TSEN15: variants seen among roughly 807,000 people sequenced by gnomAD.
TSEN15 encodes tRNA splicing endonuclease subunit 15.
A neutral mutation model predicts 20.5 loss-of-function variants in TSEN15; 10 were observed. The ratio of observed to expected loss-of-function variants is 0.49; its 90% CI spans 0.30 to 0.83. TSEN15 has a LOEUF of 0.83. TSEN15 is among the 40% of genes least tolerant of loss of function. TSEN15 has a pLI of 0.06. For synonymous variants in TSEN15, 72 were observed against 80.1 expected, an observed-to-expected ratio of 0.90 and a Z score of 0.54; for missense variants, 180 against 218.6, an observed-to-expected ratio of 0.82 and a Z score of 1.11.
intron 3 of TSEN15, among the ~76,000 whole-genome samples, chr1:184,090,625 C>T (rs922769705): frequency 2.6e-5 from 4 of 152,194 alleles, no homozygotes; most frequent in African/African-American, 9.6e-5. Flanking sequence ...GGGAGAAAGC[C>T]AGGGCTCTCT....
exon 4 of TSEN15, chr1:184,096,060 C>T: frequency 3.8e-6 from 1 of 261,836 alleles, no homozygotes; most frequent in Non-Finnish European, 7.1e-6. Context: ...ACTCCAGTAA[C>T]AAACAGTCTG....
chr1:184,067,951 T>A lies in TSEN15; in HGVS notation c.354-4206T>A, dbSNP rs1261991109. Among the ~76,000 whole-genome samples the A allele has an allele frequency of 1.1e-3, 150 of 136,348 alleles. 2 individuals are homozygous for A. The highest frequency in any genetic ancestry group is 3.9e-3 in the African/African-American group (138 of 35,406). The allele number at this position is 136,348 out of a possible 152,430, so 89.4% of individuals were successfully genotyped here. Reference sequence around the variant, plus strand: ...AAAAAAAAAAAAAAAAATATATATATATATATATATATATATATATGTACA... The same window carrying A: ...AAAAAAAAAAAAAAAAATATATATAAATATATATATATATATATATGTACA... On this transcript the variant is annotated intron_variant, in intron 3 of 4. Coordinates refer to ENST00000645668, the MANE Select transcript of TSEN15 (RefSeq NM_052965.4).
At chr1:184,081,929 C>T (rs1024496814) in intron 3 of TSEN15, among the ~76,000 whole-genome samples, 2 of 152,136 alleles carry the variant, frequency 1.3e-5, no homozygotes, top group Non-Finnish European at 2.9e-5. Flanking sequence ...CTATGTTGTC[C>T]TGGCCTTTTC....
chr1:184,057,163 C>T (rs190596565), intron 3 of TSEN15, among the ~76,000 whole-genome samples: 97 of 152,180 alleles, frequency 6.4e-4, no homozygotes, highest in East Asian at 3.9e-3. Flanking sequence ...CCAGCTGCCA[C>T]GTGAGCTGTC....
chr1:184,092,119 G>T (rs1651370963), intron 3 of TSEN15, among the ~76,000 whole-genome samples: 1 of 152,178 alleles, frequency 6.6e-6, no homozygotes, highest in South Asian at 2.1e-4. Flanking sequence ...CAGGGGAGAG[G>T]CTGGCTATTA....
intron 3 of TSEN15, among the ~76,000 whole-genome samples, chr1:184,062,392 A>G (rs1650490209): frequency 6.6e-6 from 1 of 152,128 alleles, no homozygotes; most frequent in African/African-American, 2.4e-5. Flanking sequence ...TCATAGATAC[A>G]CAGAGATGAA....
chr1:184,080,251 T>C (rs1459368766), intron 3 of TSEN15, among the ~76,000 whole-genome samples: 1 of 152,190 alleles, frequency 6.6e-6, no homozygotes, highest in African/African-American at 2.4e-5. Context: ...CCCTATATCT[T>C]GATGCTCACA....
chr1:184,076,354 G>T, downstream of TSEN15, among the ~76,000 whole-genome samples: 1 of 151,974 alleles, frequency 6.6e-6, no homozygotes, highest in East Asian at 1.9e-4. Context: ...CACAAATTGT[G>T]CCCATATAAG....
rs1002426821 is a variant in TSEN15 at position 184,079,787 on chromosome 1, T to C, written c.354-15903T>C. Reference sequence around the variant, plus strand: ...TTTGAAGGGTACATAATGCAGTCCATATAAACTGGGCTCCTTCTCTGTGCT... The same window carrying C: ...TTTGAAGGGTACATAATGCAGTCCACATAAACTGGGCTCCTTCTCTGTGCT... On this transcript the variant is annotated intron_variant, in intron 3 of 3. Coordinates refer to the TSEN15 transcript ENST00000643231. 4.6e-5 allele frequency among the ~76,000 whole-genome samples: 7 copies of C among 152,140 alleles called. No individual in the cohort carries two copies. In the East Asian group the frequency reaches 5.8e-4, roughly 13 times the overall value.
chr1:184,077,020 GA>G (rs1282455998), downstream of TSEN15, among the ~76,000 whole-genome samples: 2 of 152,152 alleles, frequency 1.3e-5, no homozygotes, highest in African/African-American at 4.8e-5. Context: ...TAAGATAGTT[GA>G]TGAAGGTGGC....
At chr1:184,064,615 A>T (rs987749284) in intron 3 of TSEN15, among the ~76,000 whole-genome samples, 1 of 152,194 alleles carries the variant, frequency 6.6e-6, no homozygotes, top group Non-Finnish European at 1.5e-5. Context: ...CCTCTTAAGG[A>T]TTAAGGAAGT....
intron 4 of TSEN15, chr1:184,072,549 A>G: frequency 1.8e-6 from 1 of 555,356 alleles, no homozygotes; most frequent in Non-Finnish European, 3.1e-6. Context: ...TTTCCAAAGT[A>G]TTTTATGAAG....
chr1:184,086,589 A>C (rs1417053327), intron 3 of TSEN15, among the ~76,000 whole-genome samples: 1 of 152,136 alleles, frequency 6.6e-6, no homozygotes, highest in Non-Finnish European at 1.5e-5. Flanking sequence ...GGGCTGGAGG[A>C]TCCACTTCCA....
At chr1:184,055,662 G>A (rs1483808220) in intron 3 of TSEN15, among the ~76,000 whole-genome samples, 2 of 151,964 alleles carry the variant, frequency 1.3e-5, no homozygotes, top group Non-Finnish European at 2.9e-5. Context: ...TTTTTTAAAA[G>A]CTTTAAAAAA....
chr1:184,058,030 T>G (rs2102880760), intron 3 of TSEN15: 10 of 313,344 alleles, frequency 3.2e-5, no homozygotes, highest in South Asian at 2.1e-4. Context: ...AAGGAGCTAC[T>G]ATTTGAAATT....
At chr1:184,083,593 A>T (rs1357791417) in intron 3 of TSEN15, among the ~76,000 whole-genome samples, 1 of 152,168 alleles carries the variant, frequency 6.6e-6, no homozygotes, top group African/African-American at 2.4e-5. Context: ...ATGACCACAG[A>T]TGGGGATGCT....
chr1:184,075,162 C>T (rs952271572), downstream of TSEN15, among the ~76,000 whole-genome samples: 3 of 152,016 alleles, frequency 2.0e-5, no homozygotes, highest in African/African-American at 7.2e-5. Flanking sequence ...CTGTGAAAGG[C>T]GCTTTCCCAA....
At chr1:184,071,986 T>C (rs1650899588) in intron 3 of TSEN15, 171 bp from the exon 4 acceptor site, 2 of 537,502 alleles carry the variant, frequency 3.7e-6, no homozygotes, top group Non-Finnish European at 6.2e-6. Flanking sequence ...GTTGAACTTA[T>C]TTGATACTAT....
intron 3 of TSEN15, among the ~76,000 whole-genome samples, chr1:184,067,943 T>A (rs148728801): frequency 0.23 from 15,001 of 64,064 alleles, 1,064 homozygotes; most frequent in East Asian, 0.39. Flanking sequence ...AAAAAAAAAA[T>A]ATATATATAT....
Sources: allele counts gnomAD v4.1 joint callset (sites outside exome capture counted in the v4.1 genomes callset), GRCh38; gene constraint gnomAD v4.1.1; transcripts MANE v1.5; gene names NCBI Gene and HGNC (gene_info 2026-07-23, HGNC 2026-07-21).